The following PARD3 variants were observed in gnomAD, a reference collection of about 807,000 sequenced individuals.
PARD3 encodes par-3 family cell polarity regulator, also known as partitioning defective 3 homolog.
In PARD3, 75 loss-of-function variants were observed where a neutral mutation model predicts 155.4. The ratio of observed to expected loss-of-function variants is 0.48; its 90% CI spans 0.40 to 0.58. PARD3 has a LOEUF of 0.58. Among genes scored for constraint, PARD3 ranks in the 20% least tolerant of loss-of-function variants. The pLI, the probability that PARD3 is intolerant of heterozygous loss-of-function variation, is 0.00. For missense variants in PARD3, 1,642 were observed against 1,721.7 expected (o/e 0.95, Z 0.82); for synonymous variants, 576 against 610.5 (o/e 0.94, Z 0.83).
intron 14 of PARD3, 139 bp from the exon 15 acceptor site, chr10:34,348,254 A>C (rs1837635426): frequency 1.6e-6 from 1 of 625,426 alleles, no homozygotes; most frequent in Admixed American, 3.9e-5. Flanking sequence ...CCCTGTACCA[A>C]AATAATTTGT....
intron 5 of PARD3, among the ~76,000 whole-genome samples, chr10:34,436,055 A>C (rs2076171114): frequency 6.6e-6 from 1 of 152,234 alleles, no homozygotes; most frequent in African/African-American, 2.4e-5. Flanking sequence ...AAATATAAAA[A>C]TATGAATCAA....
At chr10:34,638,435 T>C (rs1337601320) in intron 2 of PARD3, among the ~76,000 whole-genome samples, 1 of 152,180 alleles carries the variant, frequency 6.6e-6, no homozygotes, top group East Asian at 1.9e-4. Context: ...AAATGTTCAG[T>C]ACATCTAGGT....
chr10:34,763,217 C>A (rs1837668173), intron 1 of PARD3, among the ~76,000 whole-genome samples: 2 of 152,216 alleles, frequency 1.3e-5, no homozygotes, highest in African/African-American at 4.8e-5. Flanking sequence ...CTAAAGGTCC[C>A]ACCAGACACT....
At chr10:34,185,665 C>T (rs1307831394) in intron 22 of PARD3, among the ~76,000 whole-genome samples, 1 of 151,874 alleles carries the variant, frequency 6.6e-6, no homozygotes, top group African/African-American at 2.4e-5. Flanking sequence ...ACATCTAAGT[C>T]ACTTTGGTAG....
chr10:34,443,799 T>C (rs2076594911), intron 5 of PARD3, among the ~76,000 whole-genome samples: 1 of 152,002 alleles, frequency 6.6e-6, no homozygotes. Context: ...TTCTGAAAAG[T>C]ATAAAGAAAA....
chr10:34,527,244 C>T (rs1418215935), intron 2 of PARD3, among the ~76,000 whole-genome samples: 1 of 152,198 alleles, frequency 6.6e-6, no homozygotes, highest in East Asian at 1.9e-4. Context: ...ATCACCAGCC[C>T]TGGCATTTAA....
At chr10:34,768,402 G>GAAGCAAAGGCGGGACAACTC (rs2134071356) in intron 1 of PARD3, among the ~76,000 whole-genome samples, 1 of 151,834 alleles carries the variant, frequency 6.6e-6, no homozygotes, top group South Asian at 2.1e-4. Context: ...GGGACAACTC[G>GAAGCAAAGGCGGGACAACTC]AAGCAAAGGC....
chr10:34,745,024 A>G (rs2133907621), intron 1 of PARD3, among the ~76,000 whole-genome samples: 1 of 152,228 alleles, frequency 6.6e-6, no homozygotes, highest in East Asian at 1.9e-4. Context: ...ACCCCAGAAA[A>G]ATCAACAGCA....
chr10:34,526,842 G>C (rs1163231844), intron 2 of PARD3, among the ~76,000 whole-genome samples: 1 of 152,178 alleles, frequency 6.6e-6, no homozygotes, highest in African/African-American at 2.4e-5. Context: ...TCAGAAACAA[G>C]GGTAATTCCG....
At chr10:34,598,355 G>C (rs1375580323) in intron 2 of PARD3, among the ~76,000 whole-genome samples, 1 of 152,114 alleles carries the variant, frequency 6.6e-6, no homozygotes, top group Admixed American at 6.5e-5. Context: ...ATAAAATACT[G>C]AAACACAGAA....
chr10:34,490,141 T>G (rs2079795045), intron 3 of PARD3, among the ~76,000 whole-genome samples: 1 of 152,172 alleles, frequency 6.6e-6, no homozygotes, highest in Admixed American at 6.5e-5. Context: ...GCACATTAGC[T>G]GAACTCAACC....
chr10:34,127,120 T>C (rs1947332064), intron 23 of PARD3, among the ~76,000 whole-genome samples: 1 of 152,202 alleles, frequency 6.6e-6, no homozygotes, highest in Non-Finnish European at 1.5e-5. Context: ...CTGTTCCCAT[T>C]CAAAGTTAAA....
At chr10:34,140,340 A>C (rs1018547317) in intron 22 of PARD3, among the ~76,000 whole-genome samples, 2 of 152,340 alleles carry the variant, frequency 1.3e-5, no homozygotes, top group East Asian at 1.9e-4. Context: ...TTCTTAAGAA[A>C]TAGTAAATTG....
intron 22 of PARD3, among the ~76,000 whole-genome samples, chr10:34,140,288 C>T (rs1024175979): frequency 1.3e-5 from 2 of 152,114 alleles, no homozygotes; most frequent in Admixed American, 1.3e-4. Context: ...ATGGATTTGT[C>T]TAAATTTTAA....
At chr10:34,618,858 T>C (rs891694518) in intron 2 of PARD3, among the ~76,000 whole-genome samples, 26 of 152,054 alleles carry the variant, frequency 1.7e-4, no homozygotes, top group African/African-American at 6.0e-4. Flanking sequence ...TCCTCAACAC[T>C]AAGGTAATAT....
chr10:34,548,670 T>A (rs1024300915), intron 2 of PARD3, among the ~76,000 whole-genome samples: 1 of 152,096 alleles, frequency 6.6e-6, no homozygotes, highest in African/African-American at 2.4e-5. Context: ...TTCCTTGACA[T>A]TCCACTCTCT....
chr10:34,433,554 T>C (rs1210060442), intron 5 of PARD3, among the ~76,000 whole-genome samples: 1 of 152,182 alleles, frequency 6.6e-6, no homozygotes, highest in Non-Finnish European at 1.5e-5. Flanking sequence ...TCAGGAAAAT[T>C]AGTCCCCCAA....
intron 9 of PARD3, among the ~76,000 whole-genome samples, chr10:34,380,370 C>G (rs1841703037): frequency 6.6e-6 from 1 of 152,042 alleles, no homozygotes; most frequent in East Asian, 1.9e-4. Context: ...ATTGTTTCTC[C>G]TTTCAGTGAT....
At chr10:34,335,178 C>G (rs940783248) in intron 18 of PARD3, among the ~76,000 whole-genome samples, 1 of 151,894 alleles carries the variant, frequency 6.6e-6, no homozygotes, top group Non-Finnish European at 1.5e-5. Context: ...GATAAGGCTA[C>G]GGTTAACTGC....
Sources: gnomAD v4.1 joint callset for allele counts (sites outside exome capture counted in the v4.1 genomes callset) on GRCh38, gnomAD v4.1.1 for gene constraint, MANE v1.5 for transcripts, NCBI Gene and HGNC (gene_info 2026-07-23, HGNC 2026-07-21) for gene names.